The following KCMF1 variants were observed in gnomAD, a reference collection of about 807,000 sequenced individuals.
The protein encoded by KCMF1 is potassium channel modulatory factor 1.
Under a neutral mutation model 41.1 loss-of-function variants are expected in KCMF1, and 3 were observed. That is an observed-to-expected ratio of 0.07 (90% CI 0.03 to 0.19). The LOEUF (loss-of-function observed/expected upper bound fraction) is 0.19. Ranked by LOEUF, KCMF1 falls within the 10% of genes least tolerant of loss-of-function variation. The pLI, the probability that KCMF1 is intolerant of heterozygous loss-of-function variation, is 1.00. For missense variants in KCMF1, 286 were observed against 488.9 expected (o/e 0.58, Z 3.91); for synonymous variants, 142 against 164.5 (o/e 0.86, Z 1.04).
At chr2:85,026,813 A>G (rs1675119064) in intron 1 of KCMF1, among the ~76,000 whole-genome samples, 1 of 152,146 alleles carries the variant, frequency 6.6e-6, no homozygotes, top group African/African-American at 2.4e-5. Flanking sequence ...GTCAAGAATT[A>G]TTTGATGCCC....
chr2:85,039,463 G>A (rs1228369871), intron 3 of KCMF1, among the ~76,000 whole-genome samples: 1 of 152,158 alleles, frequency 6.6e-6, no homozygotes, highest in African/African-American at 2.4e-5. Flanking sequence ...GCTGACTTTA[G>A]GTGCTTTCAT....
chr2:85,016,573 T>C (rs181057811), intron 1 of KCMF1, among the ~76,000 whole-genome samples: 1 of 152,280 alleles, frequency 6.6e-6, no homozygotes, highest in Non-Finnish European at 1.5e-5. Flanking sequence ...CATTATAAAC[T>C]TTGTCTTAGA....
At chr2:84,974,444 A>C (rs1038444989) in intron 1 of KCMF1, among the ~76,000 whole-genome samples, 13 of 151,850 alleles carry the variant, frequency 8.6e-5, no homozygotes, top group Admixed American at 8.5e-4. Context: ...AACCTTGTGA[A>C]GCAGTGCCTC....
intron 6 of KCMF1, among the ~76,000 whole-genome samples, chr2:85,052,676 A>C (rs565602066): frequency 1.3e-5 from 2 of 152,350 alleles, no homozygotes; most frequent in Non-Finnish European, 2.9e-5. Flanking sequence ...TATACCAAGA[A>C]GAATTAAATA....
chr2:84,992,428 G>A (rs574374585), intron 1 of KCMF1, among the ~76,000 whole-genome samples: 1 of 151,754 alleles, frequency 6.6e-6, no homozygotes, highest in Non-Finnish European at 1.5e-5. Context: ...GCTAATTTTT[G>A]TATTTTTAGT....
At chr2:84,985,050 A>G (rs1235527485) in intron 1 of KCMF1, among the ~76,000 whole-genome samples, 3 of 152,062 alleles carry the variant, frequency 2.0e-5, no homozygotes, top group Non-Finnish European at 4.4e-5. Context: ...ATTTAAGGAA[A>G]AGCCATAGTT....
rs533249699 is a variant in KCMF1, at chr2:84,986,615, C to T, written c.16+15148C>T. Among the ~76,000 whole-genome samples the T allele has an allele frequency of 3.3e-5, 5 of 151,826 alleles. No homozygotes were observed. In the East Asian group the frequency reaches 7.7e-4, roughly 24 times the overall value. On this transcript the variant is annotated intron_variant, in intron 1 of 6. Transcript: ENST00000409785. Reference sequence around the variant, plus strand: ...AGGCTGGGCCGGGTGCGGTGGCTCACGCCTGTAATCCTAGCACTTTGGGAG... The same window carrying T: ...AGGCTGGGCCGGGTGCGGTGGCTCATGCCTGTAATCCTAGCACTTTGGGAG...
In KCMF1 at chr2:85,027,815, C is replaced by T. The variant is rs1003307212; in HGVS notation, c.17-74C>T. 5 of 910,786 alleles carry T rather than the reference C, an allele frequency of 5.5e-6. No homozygotes were observed. The African/African-American group carries it at 8.4e-5, about 15-fold the overall frequency. The allele number at this position is 910,786 out of a possible 1,614,324, so 56.4% of individuals were successfully genotyped here. ...AGGACATATGAGGTTAAATGAGCACCTGAAACATTCATAAAAATGAAATCA... is the reference window on the plus strand; with the variant it reads ...AGGACATATGAGGTTAAATGAGCACTTGAAACATTCATAAAAATGAAATCA... On this transcript the variant is annotated intron_variant, in intron 1 of 6. Transcript: ENST00000409785.
chr2:85,018,268 T>TC, intron 1 of KCMF1, among the ~76,000 whole-genome samples: 1 of 104,106 alleles, frequency 9.6e-6, no homozygotes, highest in Admixed American at 1.2e-4. Flanking sequence ...CTAAGCTAGA[T>TC]TTTTTTTTTT....
chr2:84,998,875 G>T (rs944408413), intron 1 of KCMF1, among the ~76,000 whole-genome samples: 12 of 151,500 alleles, frequency 7.9e-5, no homozygotes, highest in Admixed American at 5.9e-4. Context: ...GACTCCCAAA[G>T]TGCTGGGATT....
chr2:85,046,314 G>A (rs1675666346), intron 5 of KCMF1, 36 bp downstream of exon 5: 2 of 1,561,094 alleles, frequency 1.3e-6, no homozygotes, highest in East Asian at 2.3e-5. Context: ...GAAATGGCAG[G>A]GGAAGGAGGA....
intron 1 of KCMF1, among the ~76,000 whole-genome samples, chr2:84,992,203 A>G (rs1267984017): frequency 6.6e-6 from 1 of 152,186 alleles, no homozygotes; most frequent in African/African-American, 2.4e-5. Flanking sequence ...AGATGGTTTT[A>G]TATATAAAAT....
intron 2 of KCMF1, among the ~76,000 whole-genome samples, chr2:85,032,356 T>G (rs1675297953): frequency 1.4e-5 from 2 of 147,548 alleles, no homozygotes; most frequent in Non-Finnish European, 3.0e-5. Flanking sequence ...ATTTTTATTT[T>G]TATTTTATTT....
intron 1 of KCMF1, among the ~76,000 whole-genome samples, chr2:85,024,336 G>T (rs1457773289): frequency 6.6e-6 from 1 of 152,158 alleles, no homozygotes; most frequent in Non-Finnish European, 1.5e-5. Context: ...AGCTGGGCAT[G>T]GTGCCAGGCG....
At chr2:85,008,274 T>TG (rs1674528197) in intron 1 of KCMF1, among the ~76,000 whole-genome samples, 9 of 106,822 alleles carry the variant, frequency 8.4e-5, no homozygotes, top group African/African-American at 3.4e-4. Context: ...ATATATAATA[T>TG]ATAATATGAT....
At position 85,049,358 on chromosome 2, in the gene KCMF1, A is replaced by G. The variant is rs1675750190; in HGVS notation, c.602-8A>G. The stretch of plus-strand genomic sequence containing the variant: ...GCAGACATTAATTGTCTTCATTTCC[A>G]TTGGCAGAGCTTTTATCTCAGTTAT... On this transcript the variant is annotated splice_polypyrimidine_tract_variant and splice_region_variant and intron_variant, in intron 5 of 6. Coordinates refer to ENST00000409785, the MANE Select transcript of KCMF1 (RefSeq NM_020122.5). The G allele has an allele frequency of 5.6e-6, 9 of 1,610,870 alleles. No homozygotes were observed. The highest frequency in any genetic ancestry group is 2.7e-5 in the African/African-American group (2 of 74,986).
chr2:84,977,859 A>G (rs1673589436), intron 1 of KCMF1, among the ~76,000 whole-genome samples: 1 of 152,248 alleles, frequency 6.6e-6, no homozygotes, highest in East Asian at 1.9e-4. Flanking sequence ...TTTAAAGTTC[A>G]TTTTGAAGCT....
intron 1 of KCMF1, among the ~76,000 whole-genome samples, chr2:84,977,455 A>G (rs544530394): frequency 2.0e-4 from 30 of 152,176 alleles, no homozygotes; most frequent in African/African-American, 7.0e-4. Flanking sequence ...TGTTTTTGAG[A>G]CAGGGTCTCT....
At chr2:84,979,875 T>C (rs1574003016) in intron 1 of KCMF1, among the ~76,000 whole-genome samples, 1 of 152,038 alleles carries the variant, frequency 6.6e-6, no homozygotes, top group Admixed American at 6.6e-5. Flanking sequence ...CAGGCTGGAG[T>C]GCAGTGGCGC....
Sources: allele counts gnomAD v4.1 joint callset (sites outside exome capture counted in the v4.1 genomes callset), GRCh38; gene constraint gnomAD v4.1.1; transcripts MANE v1.5; gene names NCBI Gene and HGNC (gene_info 2026-07-23, HGNC 2026-07-21).